The following HS6ST3 variants were observed in gnomAD, a reference collection of about 807,000 sequenced individuals.
HS6ST3 encodes the protein heparan-sulfate 6-O-sulfotransferase 3.
In HS6ST3, 12 loss-of-function variants were observed where a neutral mutation model predicts 36.7. The ratio of observed to expected loss-of-function variants is 0.33; its 90% CI spans 0.21 to 0.53. HS6ST3 has a LOEUF of 0.53. HS6ST3 is among the 20% of genes least tolerant of loss of function. HS6ST3 has a pLI of 0.95. For synonymous variants in HS6ST3, 240 were observed against 257.5 expected, an observed-to-expected ratio of 0.93 and a Z score of 0.65; for missense variants, 584 against 640.9, an observed-to-expected ratio of 0.91 and a Z score of 0.96.
At chr13:96,809,932 A>G (rs186544550) in intron 1 of HS6ST3, among the ~76,000 whole-genome samples, 109 of 152,240 alleles carry the variant, frequency 7.2e-4, no homozygotes, top group African/African-American at 2.5e-3. Flanking sequence ...GGGGCCTGGG[A>G]TTTGGAGTGA....
chr13:96,227,677 T>A (rs1316572047), intron 1 of HS6ST3, among the ~76,000 whole-genome samples: 1 of 152,172 alleles, frequency 6.6e-6, no homozygotes, highest in Non-Finnish European at 1.5e-5. Context: ...AATCTATGAG[T>A]CATATTTTTT....
rs148426117 is a variant in HS6ST3, at chr13:96,266,932, T to C, written c.707+175363T>C. 4.1e-4 allele frequency among the ~76,000 whole-genome samples: 63 copies of C among 152,322 alleles called. 1 individual carries two copies. In the East Asian group the frequency reaches 9.8e-3, roughly 24 times the overall value. On this transcript the variant is annotated intron_variant, in intron 1 of 1. Transcript: ENST00000376705. ...AACCATTTCTGAAAGATTGGTGATA[T>C]GGTTTGGCTGTGTGTTTCCACCCAA...
At chr13:96,391,388 C>T (rs1443728968) in intron 1 of HS6ST3, among the ~76,000 whole-genome samples, 1 of 152,138 alleles carries the variant, frequency 6.6e-6, no homozygotes, top group Non-Finnish European at 1.5e-5. Context: ...AATCAGTACT[C>T]ATGCACTTTC....
intron 1 of HS6ST3, among the ~76,000 whole-genome samples, chr13:96,650,614 G>T (rs1256437648): frequency 2.0e-5 from 3 of 152,048 alleles, no homozygotes; most frequent in Non-Finnish European, 2.9e-5. Flanking sequence ...TGAGGAAGTA[G>T]AACTTGATTT....
intron 1 of HS6ST3, among the ~76,000 whole-genome samples, chr13:96,813,171 A>G (rs7318798): frequency 0.51 from 77,388 of 152,106 alleles, 20,614 homozygotes; most frequent in African/African-American, 0.67. Context: ...AGAGGTTTAC[A>G]AAGCCCACAG....
At chr13:96,473,935 C>T (rs1410376403) in intron 1 of HS6ST3, among the ~76,000 whole-genome samples, 1 of 152,106 alleles carries the variant, frequency 6.6e-6, no homozygotes, top group Non-Finnish European at 1.5e-5. Flanking sequence ...AATTTCTTTC[C>T]AGTCTATTGT....
intron 1 of HS6ST3, among the ~76,000 whole-genome samples, chr13:96,096,723 C>A (rs1190850328): frequency 6.6e-6 from 1 of 152,154 alleles, no homozygotes; most frequent in South Asian, 2.1e-4. Flanking sequence ...CAACTTGCCA[C>A]AAAAACCAGA....
chr13:96,711,375 ATTC>A (rs1226111975), intron 1 of HS6ST3, among the ~76,000 whole-genome samples: 1 of 152,246 alleles, frequency 6.6e-6, no homozygotes, highest in Non-Finnish European at 1.5e-5. Context: ...TCCTAAATAT[ATTC>A]ATAATTTATT....
intron 1 of HS6ST3, among the ~76,000 whole-genome samples, chr13:96,456,394 C>T (rs1262098627): frequency 6.6e-6 from 1 of 152,066 alleles, no homozygotes; most frequent in African/African-American, 2.4e-5. Context: ...CTCAGTTTAT[C>T]TAGATTTGAA....
chr13:96,115,503 G>T (rs1376582076), intron 1 of HS6ST3, among the ~76,000 whole-genome samples: 1 of 152,036 alleles, frequency 6.6e-6, no homozygotes, highest in Non-Finnish European at 1.5e-5. Flanking sequence ...GCGGTGTTTG[G>T]TTTTCTTTTC....
At chr13:96,568,039 A>T (rs995985272) in intron 1 of HS6ST3, among the ~76,000 whole-genome samples, 1 of 152,196 alleles carries the variant, frequency 6.6e-6, no homozygotes, top group Non-Finnish European at 1.5e-5. Flanking sequence ...TTGTATAGCC[A>T]TTTTGGAAAG....
At chr13:96,122,121 A>G (rs1171480598) in intron 1 of HS6ST3, among the ~76,000 whole-genome samples, 1 of 148,060 alleles carries the variant, frequency 6.8e-6, no homozygotes, top group Admixed American at 6.8e-5. Flanking sequence ...TATTATTATT[A>G]TTATTATTAT....
intron 1 of HS6ST3, among the ~76,000 whole-genome samples, chr13:96,792,973 A>G (rs537007284): frequency 6.6e-6 from 1 of 152,046 alleles, no homozygotes; most frequent in African/African-American, 2.4e-5. Context: ...CACCACGCCA[A>G]TTTGTTGAGA....
chr13:96,746,181 A>G (rs1009231014), intron 1 of HS6ST3, among the ~76,000 whole-genome samples: 1 of 152,058 alleles, frequency 6.6e-6, no homozygotes, highest in South Asian at 2.1e-4. Context: ...ACTTTTATAT[A>G]GTTATGTATC....
At chr13:96,505,669 G>T (rs764749052) in intron 1 of HS6ST3, among the ~76,000 whole-genome samples, 1 of 151,952 alleles carries the variant, frequency 6.6e-6, no homozygotes, top group Non-Finnish European at 1.5e-5. Flanking sequence ...ACTTCACATG[G>T]GTAGACTTCT....
At chr13:96,156,980 A>G (rs2054113580) in intron 1 of HS6ST3, among the ~76,000 whole-genome samples, 1 of 152,182 alleles carries the variant, frequency 6.6e-6, no homozygotes, top group African/African-American at 2.4e-5. Flanking sequence ...AAATTGTTTC[A>G]GGTCACTCCA....
chr13:96,816,871 AT>A (rs1279373077), intron 1 of HS6ST3, among the ~76,000 whole-genome samples: 1 of 151,912 alleles, frequency 6.6e-6, no homozygotes, highest in East Asian at 1.9e-4. Flanking sequence ...CTGTTCCTCC[AT>A]TTTCCCTTTG....
intron 1 of HS6ST3, among the ~76,000 whole-genome samples, chr13:96,214,953 C>G (rs1354980465): frequency 6.6e-6 from 1 of 152,128 alleles, no homozygotes; most frequent in Non-Finnish European, 1.5e-5. Context: ...TGGTGCCAGC[C>G]TGTATGTAGT....
At chr13:96,487,551 G>T (rs2055921644) in intron 1 of HS6ST3, among the ~76,000 whole-genome samples, 1 of 152,038 alleles carries the variant, frequency 6.6e-6, no homozygotes, top group South Asian at 2.1e-4. Flanking sequence ...TTGCTTTTTG[G>T]TAATCTCAGG....
Sources: allele counts gnomAD v4.1 joint callset (sites outside exome capture counted in the v4.1 genomes callset), GRCh38; gene constraint gnomAD v4.1.1; transcripts MANE v1.5; gene names NCBI Gene and HGNC (gene_info 2026-07-23, HGNC 2026-07-21).